The following TRAFD1 variants were observed in gnomAD, a reference collection of about 807,000 sequenced individuals.
TRAFD1 encodes TRAF-type zinc finger domain containing 1, also known as TRAF-type zinc finger domain-containing protein 1.
TRAFD1 carries 38 observed loss-of-function variants against 65.3 expected under a neutral mutation model. The ratio of observed to expected loss-of-function variants is 0.58; its 90% confidence interval spans 0.45 to 0.76. The LOEUF (loss-of-function observed/expected upper bound fraction) is 0.76, where lower values mean the gene tolerates loss of function less well. TRAFD1 is among the 30% of genes least tolerant of loss of function. The pLI, the probability that TRAFD1 is intolerant of heterozygous loss-of-function variation, is 0.00. For missense variants in TRAFD1, 631 were observed against 712.6 expected, an observed-to-expected ratio of 0.89 and a Z score of 1.30; for synonymous variants, 223 against 257.2, an observed-to-expected ratio of 0.87 and a Z score of 1.27.
In TRAFD1 at chr12:112,152,761, T is replaced by C. The variant is rs200834265; in HGVS notation, c.1719T>C (p.Ala573=). ...CAAAGCCTTCCAAGCAACAGGGAGCTGGGGATGCAGAAGAGGAAGAGGAGG... is the reference window on the plus strand; with the variant it reads ...CAAAGCCTTCCAAGCAACAGGGAGCCGGGGATGCAGAAGAGGAAGAGGAGG... The part of the protein sequence containing the change: ...AKAKPSKQQG[A]GDAEEEEEE The change falls in exon 12 of 12, where the codon GCT becomes GCC. Residue 573 remains alanine (A), a synonymous_variant. Coordinates refer to ENST00000412615, the MANE Select transcript of TRAFD1 (RefSeq NM_006700.3). This position sits in a 1 kb window ranked among gnomAD's most constrained non-coding sequence, Gnocchi z 5.0. 1.6e-5 allele frequency: 26 copies of C among 1,614,152 alleles called. No individual in the cohort carries two copies. The highest frequency in any genetic ancestry group is 2.2e-5 in the Non-Finnish European group (26 of 1,180,020).
In TRAFD1 at chr12:112,130,005, A is replaced by G. The variant is rs2079559743; in HGVS notation, c.-12-506A>G. On this transcript the variant is annotated intron_variant, in intron 1 of 11. Coordinates refer to ENST00000412615, the MANE Select transcript of TRAFD1 (RefSeq NM_006700.3). The surrounding 1 kb of genome is among the most constrained non-coding windows in gnomAD (Gnocchi z 4.4). ...CACTCTGTCACCCAGGCTGGAGTGC[A>G]GTGGCATGATCATGGCTCTCTGCAG... Among the ~76,000 whole-genome samples, 1 of 151,682 alleles carries G rather than the reference A, an allele frequency of 6.6e-6. No homozygotes were observed. The highest frequency in any genetic ancestry group is 2.4e-5 in the African/African-American group (1 of 41,258).
intron 1 of TRAFD1, among the ~76,000 whole-genome samples, chr12:112,128,618 A>G (rs1337581583): frequency 6.6e-6 from 1 of 152,184 alleles, no homozygotes; most frequent in African/African-American, 2.4e-5. Context: ...GACATCATGT[A>G]CCTTCTGATA....
chr12:112,132,370 C>T (rs2079570924), intron 2 of TRAFD1, among the ~76,000 whole-genome samples: 1 of 152,042 alleles, frequency 6.6e-6, no homozygotes, highest in Non-Finnish European at 1.5e-5. Context: ...ATTTTATGGT[C>T]CTAGAAATGA....
intron 8 of TRAFD1, chr12:112,149,550 A>G: frequency 1.8e-6 from 1 of 562,170 alleles, no homozygotes; most frequent in South Asian, 2.5e-5. Context: ...ACAAATCAGA[A>G]AGTGTTTCTG....
intron 1 of TRAFD1, among the ~76,000 whole-genome samples, chr12:112,126,608 A>C (rs897887304): frequency 1.3e-5 from 2 of 152,022 alleles, no homozygotes; most frequent in African/African-American, 4.8e-5. Flanking sequence ...AGCACACCTG[A>C]AATCAGTCGG....
At position 112,134,856 on chromosome 12, in the gene TRAFD1, G is replaced by A. The variant is rs147782156; in HGVS notation, c.166G>A (p.Ala56Thr). Residue 56 changes from alanine to threonine, a missense_variant, in exon 3 of 12, where the codon GCT becomes ACT. Physicochemically the swap from Ala to Thr is moderately conservative, Grantham distance 58. Transcript: ENST00000412615. ...FPKSDMETHM[A>T]AEHCQVTCKC... ...CAAATCTGACATGGAGACTCACATG[G>A]CTGCAGAACACTGTCAGGTGAGCCA... The A allele has an allele frequency of 6.1e-5, 98 of 1,613,198 alleles. 1 individual carries two copies. The highest frequency in any genetic ancestry group is 2.7e-4 in the Admixed American group (16 of 60,020).
chr12:112,129,634 T>C (rs2079557478), intron 1 of TRAFD1, among the ~76,000 whole-genome samples: 1 of 152,050 alleles, frequency 6.6e-6, no homozygotes, highest in Non-Finnish European at 1.5e-5. Context: ...AGGGATGTTA[T>C]TTTATTTTTA....
At chr12:112,140,226 C>G (rs948951859) in intron 4 of TRAFD1, 1 of 211,848 alleles carries the variant, frequency 4.7e-6, no homozygotes, top group Non-Finnish European at 9.9e-6. Flanking sequence ...CAAGACCAGC[C>G]TGGCCAACAT....
At chr12:112,141,657 T>C (rs913237571) in intron 5 of TRAFD1, among the ~76,000 whole-genome samples, 1 of 152,234 alleles carries the variant, frequency 6.6e-6, no homozygotes, top group Non-Finnish European at 1.5e-5. Flanking sequence ...TCAACCTGTA[T>C]CTTATTTCCC....
Position 112,141,144 on chromosome 12 carries a change from C to T in TRAFD1, c.563C>T (p.Ala188Val), listed in dbSNP as rs751336035. The change falls in exon 5 of 12, where the codon GCC becomes GTC. Residue 188 changes from alanine to valine, a missense_variant. Coordinates refer to ENST00000412615, the MANE Select transcript of TRAFD1 (RefSeq NM_006700.3). ...PMRLPRRPLR[A>V]FESDVFHNRT... ...AGGCTGCCGCGAAGGCCCCTGAGAG[C>T]CTTTGAATCAGATGTTTTCCACAAT... 9.9e-6 allele frequency: 16 copies of T among 1,614,070 alleles called. No homozygotes were observed. The Admixed American group carries it at 2.7e-4, about 27-fold the overall frequency.
chr12:112,149,969 G>A, intron 9 of TRAFD1, 98 bp downstream of exon 9: 1 of 1,514,676 alleles, frequency 6.6e-7, no homozygotes. Flanking sequence ...GGGATTACCT[G>A]CATCTCAAAT....
chr12:112,152,678 G>C lies in TRAFD1; in HGVS notation c.1693-57G>C. ...GGACATTTTCGGGGATCCAGGGGAG[G>C]AGTAATGCTTTTTCACTTTTTATGT... On this transcript the variant is annotated intron_variant, in intron 11 of 11. Coordinates refer to ENST00000412615, the MANE Select transcript of TRAFD1 (RefSeq NM_006700.3). This position sits in a 1 kb window ranked among gnomAD's most constrained non-coding sequence, Gnocchi z 5.0. 1.2e-6 allele frequency: 2 copies of C among 1,613,300 alleles called. No homozygotes were observed. Among genetic ancestry groups the C allele is most frequent in the Non-Finnish European group, 1.7e-6 (2 of 1,179,364 alleles).
chr12:112,148,613 C>T (rs1420554044), intron 8 of TRAFD1, among the ~76,000 whole-genome samples: 4 of 152,236 alleles, frequency 2.6e-5, no homozygotes, highest in African/African-American at 9.6e-5. Flanking sequence ...CCCTGCTTTT[C>T]ACCAGGTGGG....
rs757600794 is a variant in TRAFD1, at chr12:112,148,284, G to A, written c.1138G>A (p.Glu380Lys). 39 of 1,613,994 alleles carry A rather than the reference G, an allele frequency of 2.4e-5. No homozygotes were observed. In the South Asian group the frequency reaches 4.1e-4, roughly 17 times the overall value. Reference sequence around the variant, plus strand: ...ATTCTGTGGGGTACAGCTGGAAGAGGAGGTGCTGTTCCATCACCAGGTAAG... The same window carrying A: ...ATTCTGTGGGGTACAGCTGGAAGAGAAGGTGCTGTTCCATCACCAGGTAAG... ...CEFCGVQLEE[E>K]VLFHHQDQCD... Residue 380 changes from glutamate to lysine, a missense_variant, in exon 8 of 12, where the codon GAG becomes AAG. Physicochemically the swap from Glu to Lys is moderately conservative, Grantham distance 56. Coordinates refer to ENST00000412615, the MANE Select transcript of TRAFD1 (RefSeq NM_006700.3).
chr12:112,128,821 A>C (rs940962419), intron 1 of TRAFD1, among the ~76,000 whole-genome samples: 1 of 152,092 alleles, frequency 6.6e-6, no homozygotes, highest in Admixed American at 6.6e-5. Flanking sequence ...CTGGTGGATC[A>C]TATGAGGTCA....
intron 4 of TRAFD1, among the ~76,000 whole-genome samples, chr12:112,140,607 CCTCT>C (rs1290137928): frequency 6.6e-6 from 1 of 151,792 alleles, no homozygotes; most frequent in African/African-American, 2.4e-5. Flanking sequence ...TAGTGGGCTC[CCTCT>C]AATATTTTAT....
rs146485075 is a variant in TRAFD1 at position 112,127,758 on chromosome 12, TAG to T, written c.-13+2144_-13+2145del. Among the ~76,000 whole-genome samples the T allele has an allele frequency of 2.6e-3, 400 of 151,564 alleles. 6 individuals are homozygous for T. The highest frequency in any genetic ancestry group is 9.5e-3 in the African/African-American group (391 of 41,246). ...TCGGCTCACTGCAAGCTCTTTTTAG[TAG>T]AGACTGGGTTTCACCATGTTAGGCA... is the stretch of plus-strand genomic sequence containing the variant. On this transcript the variant is annotated intron_variant, in intron 1 of 11. Transcript: ENST00000412615.
At chr12:112,142,547 C>T (rs1409562696) in intron 6 of TRAFD1, among the ~76,000 whole-genome samples, 1 of 151,588 alleles carries the variant, frequency 6.6e-6, no homozygotes, top group African/African-American at 2.4e-5. Context: ...TCCCAAGTAG[C>T]TGGGATTACA....
chr12:112,128,058 G>C (rs2079549937), intron 1 of TRAFD1, among the ~76,000 whole-genome samples: 1 of 150,974 alleles, frequency 6.6e-6, no homozygotes, highest in Admixed American at 6.6e-5. Context: ...GGCTCACTCT[G>C]TTGCCCAGGC....
Sources: allele counts gnomAD v4.1 joint callset (sites outside exome capture counted in the v4.1 genomes callset), GRCh38; gene constraint gnomAD v4.1.1; non-coding constraint Gnocchi (gnomAD v3.1); transcripts MANE v1.5; gene names NCBI Gene and HGNC (gene_info 2026-07-23, HGNC 2026-07-21).